Variants in NDE1 observed in about 807,000 individuals in gnomAD.
NDE1 encodes nuclear distribution protein nudE homolog 1.
Under a neutral mutation model 43.4 loss-of-function variants are expected in NDE1, and 28 were observed. The observed-to-expected ratio is 0.65, with a 90% confidence interval of 0.48 to 0.89. The LOEUF (loss-of-function observed/expected upper bound fraction) is 0.89, where lower values mean the gene tolerates loss of function less well. NDE1 is among the 40% of genes least tolerant of loss of function. The pLI, the probability that NDE1 is intolerant of heterozygous loss-of-function variation, is 0.00. For synonymous variants in NDE1, 184 were observed against 172.0 expected (o/e 1.07, Z -0.55); for missense variants, 441 against 434.1 (o/e 1.02, Z -0.14).
At chr16:15,693,678 G>T (rs185725006) in intron 6 of NDE1, among the ~76,000 whole-genome samples, 1 of 152,048 alleles carries the variant, frequency 6.6e-6, no homozygotes, top group Non-Finnish European at 1.5e-5. Context: ...GGTGGCTCAC[G>T]CCCGTAATCC....
intron 8 of NDE1, chr16:15,717,702 A>AG (rs1260883343): frequency 2.7e-6 from 1 of 369,512 alleles, no homozygotes; most frequent in Non-Finnish European, 5.0e-6. Context: ...AGGTTGAAGC[A>AG]GGAGAATCCC....
intron 6 of NDE1, among the ~76,000 whole-genome samples, chr16:15,692,052 C>T (rs895589150): frequency 6.6e-6 from 1 of 151,944 alleles, no homozygotes; most frequent in South Asian, 2.1e-4. Flanking sequence ...CTCAGCGTAA[C>T]GTGTGCTGCA....
At chr16:15,701,204 T>C in intron 8 of NDE1, 1 of 148,152 alleles carries the variant, frequency 6.7e-6, no homozygotes, top group Non-Finnish European at 1.5e-5. Flanking sequence ...GCTACTGTAC[T>C]CCAGCCTGGG....
chr16:15,696,741 C>A lies in NDE1; in HGVS notation c.828C>A (p.Asn276Lys), dbSNP rs762365491. 6.2e-6 allele frequency: 10 copies of A among 1,614,112 alleles called. No individual in the cohort carries two copies. The highest frequency in any genetic ancestry group is 1.1e-5 in the South Asian group (1 of 91,088). The change falls in exon 8 of 9, where the codon AAC (asparagine) becomes AAA (lysine). Residue 276 changes from asparagine (N) to lysine (K), a missense_variant. Transcript: ENST00000396354. ...ALESKLASCR[N>K]LVYDQSPNRT... ...AGTCCAAACTCGCTTCCTGCCGGAA[C>A]CTCGTGTACGATCAGTCCCCAAACC... is the stretch of plus-strand genomic sequence containing the variant.
chr16:15,714,213 G>A (rs1403675694), intron 8 of NDE1: 1 of 153,696 alleles, frequency 6.5e-6, no homozygotes, highest in African/African-American at 2.4e-5. Context: ...GAGCAGGGGG[G>A]ACCCCCAAGG....
At chr16:15,667,577 G>A (rs778948023) in intron 3 of NDE1, 138 bp downstream of exon 3, 34 of 980,492 alleles carry the variant, frequency 3.5e-5, no homozygotes, top group East Asian at 7.8e-5. Flanking sequence ...GGGCCTGTGC[G>A]GCAGACGTGA....
chr16:15,664,206 T>C (rs2037187254), intron 1 of NDE1, among the ~76,000 whole-genome samples: 1 of 152,086 alleles, frequency 6.6e-6, no homozygotes, highest in African/African-American at 2.4e-5. Context: ...CTAGGTCCTT[T>C]AGTAGGTGCT....
rs748478695 is a variant in NDE1 at position 15,650,273 on chromosome 16, T to G, written c.-65T>G. 6.4e-6 allele frequency: 2 copies of G among 312,472 alleles called. No individual in the cohort carries two copies. The highest frequency in any genetic ancestry group is 1.3e-5 in the Non-Finnish European group (2 of 151,614). The allele number at this position is 312,472 out of a possible 1,614,324, so 19.4% of individuals were successfully genotyped here. On this transcript the variant is annotated 5_prime_UTR_variant, in exon 1 of 9. Coordinates refer to ENST00000396354, the MANE Select transcript of NDE1 (RefSeq NM_017668.3). ...GCCGCCTCTGCCGCCGCCGCCGCGT[T>G]GGCCTCGCCGCCCCTGCTCGGGTAA...
intron 8 of NDE1, chr16:15,721,261 T>G: frequency 1.0e-6 from 1 of 986,026 alleles, no homozygotes; most frequent in East Asian, 2.6e-5. Flanking sequence ...ACTGCCATTC[T>G]CAGCCCCTCC....
intron 8 of NDE1, among the ~76,000 whole-genome samples, chr16:15,698,697 C>A (rs2039114122): frequency 6.6e-6 from 1 of 151,778 alleles, no homozygotes; most frequent in African/African-American, 2.4e-5. Context: ...CCTATCTATA[C>A]TAAAAATACG....
intron 7 of NDE1, 179 bp downstream of exon 7, chr16:15,694,435 T>C: frequency 6.8e-7 from 1 of 1,462,740 alleles, no homozygotes; most frequent in Non-Finnish European, 9.2e-7. Context: ...AGCCTCAAAA[T>C]CCTGGGTTCA....
Position 15,677,859 on chromosome 16 carries a change from A to G in NDE1, c.296A>G (p.Asp99Gly). The G allele has an allele frequency of 6.2e-7, 1 of 1,614,078 alleles. No homozygotes were observed. Among genetic ancestry groups the G allele is most frequent in the Non-Finnish European group, 8.5e-7 (1 of 1,180,022 alleles). ...CGGCAGATCTCAGCCTTGGAGGATG[A>G]CCTCGCGCAGACCAAAGCCATTAAA... ...GYRQISALED[D>G]LAQTKAIKDQ... The change falls in exon 4 of 9, where the codon GAC becomes GGC. Residue 99 changes from aspartate to glycine, a missense_variant. Coordinates refer to ENST00000396354, the MANE Select transcript of NDE1 (RefSeq NM_017668.3).
chr16:15,699,470 C>G (rs1012270843), intron 8 of NDE1: 2 of 1,015,092 alleles, frequency 2.0e-6, no homozygotes, highest in African/African-American at 1.7e-5. Flanking sequence ...CACTATGTTG[C>G]GTAGGCTGTA....
intron 1 of NDE1, among the ~76,000 whole-genome samples, chr16:15,650,714 C>T (rs1232175348): frequency 2.0e-5 from 3 of 152,122 alleles, no homozygotes; most frequent in Non-Finnish European, 4.4e-5. Context: ...TTCCTTCCTC[C>T]CCATACTCCT....
chr16:15,687,231 C>G, intron 4 of NDE1, 144 bp from the exon 5 acceptor site: 1 of 1,557,208 alleles, frequency 6.4e-7, no homozygotes, highest in Non-Finnish European at 8.7e-7. Flanking sequence ...GGTTAAGGGA[C>G]TTGGCCCACT....
intron 8 of NDE1, chr16:15,697,189 C>G (rs114858548): frequency 2.4e-6 from 1 of 422,028 alleles, no homozygotes; most frequent in Non-Finnish European, 3.2e-6. Context: ...AGTACAGGTG[C>G]GTGTCACCGT....
intron 4 of NDE1, among the ~76,000 whole-genome samples, chr16:15,682,487 C>G (rs2038232388): frequency 6.6e-6 from 1 of 152,196 alleles, no homozygotes; most frequent in African/African-American, 2.4e-5. Flanking sequence ...TTTGATTGCT[C>G]TCATGGTCCT....
chr16:15,668,488 C>T lies in NDE1; in HGVS notation c.237+1049C>T, dbSNP rs1411190919. Among the ~76,000 whole-genome samples the T allele has an allele frequency of 3.3e-5, 5 of 151,950 alleles. No homozygotes were observed. The East Asian group carries it at 9.8e-4, about 30-fold the overall frequency. ...CTGTGTTGCCCAGGCTGGTCTTGAA[C>T]TCCTGGACGCGAGCAGTCCTCCTGC... On this transcript the variant is annotated intron_variant, in intron 3 of 8. Transcript: ENST00000396354.
At chr16:15,654,416 G>A (rs1001592384) in intron 1 of NDE1, among the ~76,000 whole-genome samples, 7 of 151,492 alleles carry the variant, frequency 4.6e-5, no homozygotes, top group South Asian at 2.1e-4. Context: ...CCTGGCCAAC[G>A]TGGCGAAACC....
Sources: gnomAD v4.1 joint callset for allele counts (sites outside exome capture counted in the v4.1 genomes callset) on GRCh38, gnomAD v4.1.1 for gene constraint, MANE v1.5 for transcripts, NCBI Gene and HGNC (gene_info 2026-07-23, HGNC 2026-07-21) for gene names.